The following CLASP1 variants were observed in gnomAD, a reference collection of about 807,000 sequenced individuals.
The protein encoded by CLASP1 is cytoplasmic linker associated protein 1.
CLASP1 carries 38 observed loss-of-function variants against 192.3 expected under a neutral mutation model. The ratio of observed to expected loss-of-function variants is 0.20; its 90% CI spans 0.15 to 0.26. The LOEUF is 0.26. CLASP1 is among the 10% of genes least tolerant of loss of function. The probability of loss-of-function intolerance (pLI) is 1.00; values close to 1 mark genes in which losing one functional copy is unlikely to be tolerated. For synonymous variants in CLASP1, 691 were observed against 712.8 expected, an observed-to-expected ratio of 0.97 and a Z score of 0.49; for missense variants, 1,433 against 1,932.5, an observed-to-expected ratio of 0.74 and a Z score of 4.85.
At chr2:121,558,158 A>C (rs988041517) in intron 2 of CLASP1, among the ~76,000 whole-genome samples, 11 of 152,218 alleles carry the variant, frequency 7.2e-5, no homozygotes, top group African/African-American at 2.2e-4. Flanking sequence ...ATGTAAATTT[A>C]GTTATAAAGC....
At chr2:121,478,579 C>T (rs544899704) in intron 8 of CLASP1, among the ~76,000 whole-genome samples, 1 of 146,410 alleles carries the variant, frequency 6.8e-6, no homozygotes, top group African/African-American at 2.5e-5. Context: ...CCAGCCTAGG[C>T]GATGGAGCCA....
chr2:121,386,867 A>G (rs886798007), intron 32 of CLASP1, among the ~76,000 whole-genome samples: 10 of 152,348 alleles, frequency 6.6e-5, no homozygotes, highest in African/African-American at 1.2e-4. Flanking sequence ...TGTAGGTACT[A>G]TTAGGTACTA....
At chr2:121,611,165 T>G (rs1411526655) in intron 1 of CLASP1, among the ~76,000 whole-genome samples, 1 of 48,220 alleles carries the variant, frequency 2.1e-5, no homozygotes, top group Non-Finnish European at 4.2e-5. Flanking sequence ...GAGGAGGAGT[T>G]GGAGGAGTTA....
intron 2 of CLASP1, among the ~76,000 whole-genome samples, chr2:121,554,196 C>T (rs2058311429): frequency 1.3e-5 from 2 of 151,796 alleles, no homozygotes. Context: ...GCCTGAGCGA[C>T]AAAGCAAGAC....
Position 121,515,648 on chromosome 2 carries a change from A to C in CLASP1, c.644+17T>G. 6.2e-7 allele frequency: 1 copy of C among 1,608,816 alleles called. No individual in the cohort carries two copies. The highest frequency in any genetic ancestry group is 8.5e-7 in the Non-Finnish European group (1 of 1,175,218). On this transcript the variant is annotated intron_variant, in intron 7 of 39. Transcript: ENST00000263710. ...GGGGTTGGGTAGAGCAGAAGAAAGG[A>C]AAAAATCTGCACTCACCGGGACTGT...
chr2:121,518,585 C>A (rs144731619), intron 6 of CLASP1, among the ~76,000 whole-genome samples: 3 of 152,114 alleles, frequency 2.0e-5, no homozygotes, highest in African/African-American at 7.2e-5. Context: ...ATTGAAAATG[C>A]GGTCGGGCGC....
At chr2:121,378,886 C>A (rs1348224295) in intron 33 of CLASP1, among the ~76,000 whole-genome samples, 1 of 151,682 alleles carries the variant, frequency 6.6e-6, no homozygotes, top group Non-Finnish European at 1.5e-5. Context: ...CACAACCAAT[C>A]CTGTACATTC....
intron 1 of CLASP1, among the ~76,000 whole-genome samples, chr2:121,630,924 C>T (rs2069448244): frequency 1.3e-5 from 2 of 150,720 alleles, no homozygotes; most frequent in East Asian, 2.0e-4. Context: ...CTTTGGGAGG[C>T]CGAGGTGGGT....
intron 6 of CLASP1, among the ~76,000 whole-genome samples, chr2:121,524,090 C>T (rs966679361): frequency 2.0e-5 from 3 of 151,980 alleles, no homozygotes; most frequent in African/African-American, 4.8e-5. Flanking sequence ...GGTGACAGCC[C>T]TCCACCGCCC....
intron 19 of CLASP1, among the ~76,000 whole-genome samples, chr2:121,444,636 T>C (rs1032702257): frequency 8.5e-5 from 13 of 152,286 alleles, no homozygotes; most frequent in African/African-American, 2.2e-4. Flanking sequence ...ATGAGGACAG[T>C]AGCACACAGT....
At chr2:121,632,965 G>GGT (rs71398037) in intron 1 of CLASP1, among the ~76,000 whole-genome samples, 3,067 of 137,762 alleles carry the variant, frequency 0.022, 105 homozygotes, top group African/African-American at 0.068. Flanking sequence ...AACAGAGGGA[G>GGT]GTGTGTGTGT....
chr2:121,632,296 C>A (rs1219521321), intron 1 of CLASP1, among the ~76,000 whole-genome samples: 1 of 151,972 alleles, frequency 6.6e-6, no homozygotes. Flanking sequence ...AAACCTCCAA[C>A]GTGAATAATC....
chr2:121,560,553 T>C (rs1444521127), intron 2 of CLASP1, among the ~76,000 whole-genome samples: 1 of 152,146 alleles, frequency 6.6e-6, no homozygotes, highest in African/African-American at 2.4e-5. Context: ...CAGTCTTCTG[T>C]CTAGGTTTTC....
intron 2 of CLASP1, among the ~76,000 whole-genome samples, chr2:121,565,353 A>C (rs1448883286): frequency 6.6e-6 from 1 of 152,230 alleles, no homozygotes; most frequent in Non-Finnish European, 1.5e-5. Flanking sequence ...CCAGTAAATC[A>C]AATTTGCCAA....
intron 2 of CLASP1, among the ~76,000 whole-genome samples, chr2:121,572,896 A>T (rs955954740): frequency 6.6e-6 from 1 of 152,200 alleles, no homozygotes; most frequent in African/African-American, 2.4e-5. Context: ...AAAGGGTATT[A>T]AATCTAGCTT....
At position 121,462,533 on chromosome 2, in the gene CLASP1, TG is replaced by T; in HGVS notation, c.937del (p.Gln313ArgfsTer12). The stretch of plus-strand genomic sequence containing the variant: ...TCATACTCAAATATCCTCACTGACC[TG>T]TACTACAGGTACATCATCAAATGCT... On this transcript the variant is annotated frameshift_variant and splice_region_variant, in exon 10 of 40. Coordinates refer to ENST00000263710, the Ensembl canonical transcript of CLASP1. LOFTEE classifies it high-confidence loss of function. 6.5e-7 allele frequency: 1 copy of T among 1,545,006 alleles called. No individual in the cohort carries two copies. The highest frequency in any genetic ancestry group is 8.9e-7 in the Non-Finnish European group (1 of 1,120,072).
chr2:121,631,679 G>C (rs970487422), intron 1 of CLASP1, among the ~76,000 whole-genome samples: 1 of 152,130 alleles, frequency 6.6e-6, no homozygotes, highest in Non-Finnish European at 1.5e-5. Context: ...GGGAGGCCAA[G>C]GTGGGAGGAT....
intron 30 of CLASP1, 135 bp from the exon 32 acceptor site, chr2:121,388,041 C>A: frequency 1.6e-6 from 1 of 629,146 alleles, no homozygotes; most frequent in Non-Finnish European, 2.7e-6. Flanking sequence ...AACAAAAAAG[C>A]ATCTGAAGAA....
intron 9 of CLASP1, among the ~76,000 whole-genome samples, chr2:121,466,866 T>G (rs1250302023): frequency 6.6e-6 from 1 of 152,224 alleles, no homozygotes; most frequent in East Asian, 1.9e-4. Context: ...GCAGGTTGGT[T>G]ACATAGGTAA....
Sources: allele counts gnomAD v4.1 joint callset (sites outside exome capture counted in the v4.1 genomes callset), GRCh38; gene constraint gnomAD v4.1.1; transcripts MANE v1.5; gene names NCBI Gene and HGNC (gene_info 2026-07-23, HGNC 2026-07-21).